Variants in PDCD6 observed in about 807,000 individuals in gnomAD.
PDCD6 encodes programmed cell death protein 6.
PDCD6 carries 12 observed loss-of-function variants against 28.3 expected under a neutral mutation model. The ratio of observed to expected loss-of-function variants is 0.42; its 90% CI spans 0.27 to 0.69. The LOEUF (loss-of-function observed/expected upper bound fraction) is 0.69, where lower values mean the gene tolerates loss of function less well. Among genes scored for constraint, PDCD6 ranks in the 30% least tolerant of loss-of-function variants. PDCD6 has a pLI of 0.22. For missense variants in PDCD6, 226 were observed against 269.9 expected (o/e 0.84, Z 1.14); for synonymous variants, 92 against 108.0 (o/e 0.85, Z 0.92).
intron 2 of PDCD6, among the ~76,000 whole-genome samples, chr5:287,082 C>T (rs554017628): frequency 1.3e-5 from 2 of 151,702 alleles, no homozygotes; most frequent in South Asian, 2.1e-4. Context: ...AGTTGAGGGT[C>T]GTGGAGCTGG....
chr5:304,321 C>T (rs997419819), intron 3 of PDCD6, 100 bp downstream of exon 3: 4 of 1,058,046 alleles, frequency 3.8e-6, no homozygotes, highest in Non-Finnish European at 4.1e-6. Context: ...TCACTTTGCT[C>T]CCTTCTGGAA....
chr5:281,131 T>C (rs1344507781), intron 2 of PDCD6, among the ~76,000 whole-genome samples: 1 of 152,256 alleles, frequency 6.6e-6, no homozygotes, highest in Non-Finnish European at 1.5e-5. Flanking sequence ...TGTTTCACAT[T>C]GGACATAAGT....
chr5:306,055 A>AC (rs1740460321), intron 3 of PDCD6: 1 of 155,594 alleles, frequency 6.4e-6, no homozygotes, highest in African/African-American at 2.4e-5. Context: ...TTGTATTTGG[A>AC]CCTGGAGTTA....
rs904765527 is a variant in PDCD6, at chr5:290,189, T to C, written c.164-13988T>C. The C allele has an allele frequency of 3.0e-5, 47 of 1,583,012 alleles. No homozygotes were observed. In the Admixed American group the frequency reaches 7.8e-4, roughly 26 times the overall value. ...TCCAGTTTGAAAATAAAATAGCCTTTAAATTGGGACCACTGAATCTGTTTC... is the reference window on the plus strand; with the variant it reads ...TCCAGTTTGAAAATAAAATAGCCTTCAAATTGGGACCACTGAATCTGTTTC... On this transcript the variant is annotated intron_variant, in intron 2 of 5. Transcript: ENST00000264933.
intron 2 of PDCD6, among the ~76,000 whole-genome samples, chr5:295,147 G>T (rs1035275935): frequency 2.0e-5 from 3 of 152,216 alleles, no homozygotes; most frequent in East Asian, 1.9e-4. Flanking sequence ...GAGGAAGGCT[G>T]CCACAAGTCA....
chr5:277,580 C>T (rs185850644), intron 2 of PDCD6, among the ~76,000 whole-genome samples: 75 of 151,238 alleles, frequency 5.0e-4, no homozygotes, highest in African/African-American at 1.7e-3. Context: ...GGATTACAGG[C>T]GTGAGCCACC....
chr5:293,006 G>T (rs1739401846), intron 2 of PDCD6, among the ~76,000 whole-genome samples: 1 of 152,118 alleles, frequency 6.6e-6, no homozygotes, highest in South Asian at 2.1e-4. Context: ...GCTTCTCATT[G>T]GTGGCATTTC....
chr5:297,960 T>G (rs1263697295), intron 2 of PDCD6, among the ~76,000 whole-genome samples: 1 of 152,198 alleles, frequency 6.6e-6, no homozygotes, highest in Non-Finnish European at 1.5e-5. Context: ...CAAGCACAGG[T>G]GAATCTAACA....
intron 2 of PDCD6, among the ~76,000 whole-genome samples, chr5:283,812 G>T (rs1369098279): frequency 6.6e-6 from 1 of 150,812 alleles, no homozygotes; most frequent in Admixed American, 6.6e-5. Context: ...CAGTTTGAAG[G>T]TCTTGCAGCT....
intron 2 of PDCD6, among the ~76,000 whole-genome samples, chr5:280,907 C>T (rs543470616): frequency 3.3e-5 from 5 of 152,202 alleles, no homozygotes; most frequent in African/African-American, 4.8e-5. Flanking sequence ...CATTTATGCT[C>T]AAGTGATGGG....
intron 2 of PDCD6, among the ~76,000 whole-genome samples, chr5:280,195 A>G (rs1738478817): frequency 6.6e-6 from 1 of 151,990 alleles, no homozygotes; most frequent in African/African-American, 2.4e-5. Context: ...AGGAGGATGC[A>G]GAGCCCGGGA....
chr5:299,298 G>A (rs1240398940), intron 2 of PDCD6, among the ~76,000 whole-genome samples: 2 of 114,000 alleles, frequency 1.8e-5, no homozygotes, highest in Admixed American at 2.0e-4. Flanking sequence ...CCTGGATGAC[G>A]CCCTACCTGG....
At position 301,138 on chromosome 5, in the gene PDCD6, G is replaced by A. The variant is rs2672729; in HGVS notation, c.164-3039G>A. Among the ~76,000 whole-genome samples, 1,263 of 152,326 alleles carry A rather than the reference G, an allele frequency of 8.3e-3. 27 individuals carry two copies. The highest frequency in any genetic ancestry group is 0.029 in the African/African-American group (1,212 of 41,556). ...GTGCAGCCTTCACTTGAGGACTTAG[G>A]TCTCATCCAGCTCCACACAGTCAAT... On this transcript the variant is annotated intron_variant, in intron 2 of 5. Coordinates refer to ENST00000264933, the MANE Select transcript of PDCD6 (RefSeq NM_013232.4).
At chr5:280,691 C>T (rs1364164750) in intron 2 of PDCD6, among the ~76,000 whole-genome samples, 1 of 148,840 alleles carries the variant, frequency 6.7e-6, no homozygotes, top group East Asian at 2.0e-4. Context: ...GTCCATAGAC[C>T]AGGGCAGAGG....
At chr5:277,728 C>T (rs1251137534) in intron 2 of PDCD6, among the ~76,000 whole-genome samples, 1 of 151,894 alleles carries the variant, frequency 6.6e-6, no homozygotes, top group African/African-American at 2.4e-5. Flanking sequence ...GCCAGGGGGC[C>T]AACATGGTGA....
chr5:312,313 C>T (rs1740975159), intron 5 of PDCD6: 1 of 152,250 alleles, frequency 6.6e-6, no homozygotes, highest in Non-Finnish European at 1.5e-5. Flanking sequence ...GGTGGTGATC[C>T]AGGTCTCTAC....
intron 2 of PDCD6, among the ~76,000 whole-genome samples, chr5:277,662 C>T (rs1738284979): frequency 1.3e-5 from 2 of 151,800 alleles, no homozygotes; most frequent in Non-Finnish European, 1.5e-5. Flanking sequence ...TCTTGATCTC[C>T]TGACCTCTTG....
At chr5:299,697 A>G (rs369135767) in intron 2 of PDCD6, among the ~76,000 whole-genome samples, 1 of 151,918 alleles carries the variant, frequency 6.6e-6, no homozygotes, top group Admixed American at 6.6e-5. Context: ...CTACAGGCAC[A>G]CGCCGCCATG....
intron 3 of PDCD6, chr5:306,381 T>A: frequency 1.9e-6 from 1 of 514,042 alleles, no homozygotes; most frequent in Non-Finnish European, 3.6e-6. Context: ...ACTTAGGGGG[T>A]CAGGGCTGGG....
Sources: gnomAD v4.1 joint callset for allele counts (sites outside exome capture counted in the v4.1 genomes callset) on GRCh38, gnomAD v4.1.1 for gene constraint, MANE v1.5 for transcripts, NCBI Gene and HGNC (gene_info 2026-07-23, HGNC 2026-07-21) for gene names.